Variants in MTUS1 observed in about 807,000 individuals in gnomAD.
The protein encoded by MTUS1 is microtubule associated scaffold protein 1, also known as microtubule-associated tumor suppressor 1.
Under a neutral mutation model 120.8 loss-of-function variants are expected in MTUS1, and 109 were observed. The ratio of observed to expected loss-of-function variants is 0.90; its 90% CI spans 0.77 to 1.06. The LOEUF (loss-of-function observed/expected upper bound fraction) is 1.06. MTUS1 is among the 50% of genes least tolerant of loss of function. The pLI, the probability that MTUS1 is intolerant of heterozygous loss-of-function variation, is 0.00. For missense variants in MTUS1, 2,210 were observed against 1,486.3 expected, an observed-to-expected ratio of 1.49 and a Z score of -8.01; for synonymous variants, 737 against 550.5, an observed-to-expected ratio of 1.34 and a Z score of -4.74.
intron 8 of MTUS1, among the ~76,000 whole-genome samples, chr8:17,663,248 T>A (rs12676230): frequency 0.61 from 92,286 of 151,982 alleles, 29,336 homozygotes; most frequent in Middle Eastern, 0.81. Flanking sequence ...TTAGTCCTCA[T>A]GGCTTTTTCT....
At chr8:17,709,998 C>G (rs1411555821) in intron 6 of MTUS1, among the ~76,000 whole-genome samples, 1 of 134,556 alleles carries the variant, frequency 7.4e-6, no homozygotes, top group Admixed American at 7.8e-5. Context: ...CAGAGCAAGA[C>G]TCTGTCTCAA....
chr8:17,740,183 G>A (rs951367092), intron 3 of MTUS1, among the ~76,000 whole-genome samples: 7 of 150,680 alleles, frequency 4.6e-5, no homozygotes, highest in Admixed American at 1.3e-4. Context: ...ACTCCAGCCT[G>A]ATCAACAGAG....
intron 9 of MTUS1, 56 bp downstream of exon 9, chr8:17,655,807 A>C: frequency 1.3e-6 from 2 of 1,482,622 alleles, no homozygotes; most frequent in Non-Finnish European, 1.9e-6. Flanking sequence ...AAGAGCAACC[A>C]GGATTCAAGT....
chr8:17,646,953 C>T (rs371840369), intron 14 of MTUS1, 29 bp downstream of exon 14: 34 of 1,560,592 alleles, frequency 2.2e-5, no homozygotes, highest in African/African-American at 2.0e-4. Context: ...GCGGGGAGCT[C>T]GGGAGAAACA....
At chr8:17,678,515 C>T (rs1048810687) in intron 7 of MTUS1, among the ~76,000 whole-genome samples, 2 of 152,124 alleles carry the variant, frequency 1.3e-5, no homozygotes, top group Admixed American at 6.5e-5. Flanking sequence ...GTGGTCCCAT[C>T]GGTGTGCCTG....
chr8:17,778,305 A>T (rs1191773353), intron 1 of MTUS1, among the ~76,000 whole-genome samples: 1 of 152,204 alleles, frequency 6.6e-6, no homozygotes, highest in Non-Finnish European at 1.5e-5. Context: ...CCATTTATAT[A>T]ATATTCTGGA....
intron 2 of MTUS1, among the ~76,000 whole-genome samples, chr8:17,749,711 C>T (rs941002519): frequency 2.6e-5 from 4 of 151,870 alleles, no homozygotes; most frequent in Admixed American, 6.6e-5. Context: ...TTAAATCTGC[C>T]TGTGACCTGG....
chr8:17,767,572 C>T (rs1032562300), intron 1 of MTUS1, among the ~76,000 whole-genome samples: 2 of 151,374 alleles, frequency 1.3e-5, no homozygotes, highest in Non-Finnish European at 2.9e-5. Context: ...GGGGTGCACA[C>T]CTATGGTCCC....
At chr8:17,674,469 G>A (rs1364589620) in intron 8 of MTUS1, 23 of 984,810 alleles carry the variant, frequency 2.3e-5, no homozygotes, top group Non-Finnish European at 2.8e-5. Flanking sequence ...CAAAGCAAAG[G>A]CAGTGTCGTG....
chr8:17,665,849 A>G (rs1810781686), intron 8 of MTUS1, among the ~76,000 whole-genome samples: 1 of 152,162 alleles, frequency 6.6e-6, no homozygotes, highest in Non-Finnish European at 1.5e-5. Context: ...AGGTAAAAAA[A>G]TGACCTTTCC....
At chr8:17,735,354 CCAGA>C (rs141453789) in intron 3 of MTUS1, among the ~76,000 whole-genome samples, 1,616 of 152,266 alleles carry the variant, frequency 0.011, 29 homozygotes, top group African/African-American at 0.037. Flanking sequence ...ACAGAAGTGG[CCAGA>C]CACTCTGTCT....
intron 6 of MTUS1, among the ~76,000 whole-genome samples, chr8:17,699,638 T>C (rs1818644765): frequency 6.6e-6 from 1 of 152,218 alleles, no homozygotes; most frequent in African/African-American, 2.4e-5. Flanking sequence ...TAACCACACA[T>C]ATTGAAAATA....
Position 17,682,517 on chromosome 8 carries a change from CAAAAAA to C in MTUS1, c.2838+1805_2838+1810del, listed in dbSNP as rs55901871. On this transcript the variant is annotated intron_variant, in intron 7 of 14. Transcript: ENST00000693296. ...TGAGTGACAGAGCAAGACTCCATCC[CAAAAAA>C]AAAAAAAAAAAAAAAAGTTGCTATC... 1.2e-3 allele frequency among the ~76,000 whole-genome samples: 137 copies of C among 114,970 alleles called. 1 individual carries two copies. The highest frequency in any genetic ancestry group is 5.0e-3 in the Middle Eastern group (1 of 202). 75.4% of individuals were successfully genotyped at this position (114,970 alleles called of 152,430 possible).
intron 1 of MTUS1, among the ~76,000 whole-genome samples, chr8:17,794,053 C>T (rs942707304): frequency 6.6e-6 from 1 of 152,136 alleles, no homozygotes; most frequent in Non-Finnish European, 1.5e-5. Flanking sequence ...ACAGGCCGGG[C>T]ACAGTGGCTC....
chr8:17,730,505 A>T (rs1268116332), intron 3 of MTUS1, among the ~76,000 whole-genome samples: 1 of 151,102 alleles, frequency 6.6e-6, no homozygotes, highest in African/African-American at 2.4e-5. Context: ...AAAAAAAAAA[A>T]AGTGAAAGAC....
chr8:17,682,672 G>A (rs187073564), intron 7 of MTUS1, among the ~76,000 whole-genome samples: 2 of 152,168 alleles, frequency 1.3e-5, no homozygotes, highest in African/African-American at 4.8e-5. Flanking sequence ...GTCATGAGGA[G>A]GATGAAAGGA....
At chr8:17,676,198 T>G in intron 7 of MTUS1, 2 of 699,532 alleles carry the variant, frequency 2.9e-6, no homozygotes, top group Middle Eastern at 2.3e-4. Flanking sequence ...ATTCAAAGCA[T>G]TTTCCCTGAA....
chr8:17,735,047 T>C (rs903207066), intron 3 of MTUS1, among the ~76,000 whole-genome samples: 2 of 152,128 alleles, frequency 1.3e-5, no homozygotes, highest in African/African-American at 4.8e-5. Flanking sequence ...GAGTAGCTAG[T>C]AGCTGAGACC....
intron 3 of MTUS1, among the ~76,000 whole-genome samples, chr8:17,742,272 T>TTTTC (rs2047375982): frequency 8.0e-6 from 1 of 124,998 alleles, no homozygotes; most frequent in African/African-American, 3.4e-5. Context: ...CCCAGCTGTT[T>TTTTC]TTTTTTTTTG....
Sources: allele counts gnomAD v4.1 joint callset (sites outside exome capture counted in the v4.1 genomes callset), GRCh38; gene constraint gnomAD v4.1.1; transcripts MANE v1.5; gene names NCBI Gene and HGNC (gene_info 2026-07-23, HGNC 2026-07-21).